TRPM3: variants seen among roughly 807,000 people sequenced by gnomAD.
TRPM3 encodes transient receptor potential cation channel subfamily M member 3.
Under a neutral mutation model 181.2 loss-of-function variants are expected in TRPM3, and 77 were observed. That is an observed-to-expected ratio of 0.42 (90% CI 0.35 to 0.51). The LOEUF (loss-of-function observed/expected upper bound fraction) is 0.51, where lower values mean the gene tolerates loss of function less well. Among genes scored for constraint, TRPM3 ranks in the 20% least tolerant of loss-of-function variants. The pLI is 0.01. For missense variants in TRPM3, 1,759 were observed against 2,196.7 expected, an observed-to-expected ratio of 0.80 and a Z score of 3.98; for synonymous variants, 745 against 796.4, an observed-to-expected ratio of 0.94 and a Z score of 1.09.
At chr9:70,916,860 C>A in intron 1 of TRPM3, 1 of 586,232 alleles carries the variant, frequency 1.7e-6, no homozygotes, top group South Asian at 2.6e-5. Context: ...AACTGGCAAT[C>A]ATAAATCAAA....
chr9:71,216,709 G>A (rs2079888963), intron 1 of TRPM3, among the ~76,000 whole-genome samples: 1 of 152,116 alleles, frequency 6.6e-6, no homozygotes. Flanking sequence ...TTAGAGAAGG[G>A]ATGAACTTCT....
intron 9 of TRPM3, among the ~76,000 whole-genome samples, chr9:70,678,208 C>G (rs1052969988): frequency 1.3e-5 from 2 of 152,166 alleles, no homozygotes; most frequent in Non-Finnish European, 2.9e-5. Context: ...AGGTCATCAG[C>G]TGAAGAAACT....
At chr9:71,371,763 C>T (rs1022613214) in intron 1 of TRPM3, among the ~76,000 whole-genome samples, 10 of 152,158 alleles carry the variant, frequency 6.6e-5, no homozygotes, top group African/African-American at 2.4e-4. Flanking sequence ...TATCTAACAG[C>T]ATCACATGCC....
chr9:70,781,326 TAAAAA>T (rs35173071), intron 7 of TRPM3, among the ~76,000 whole-genome samples: 11 of 106,116 alleles, frequency 1.0e-4, no homozygotes, highest in African/African-American at 2.6e-4. Flanking sequence ...TTCCATTTCA[TAAAAA>T]AAAAAAAAAA....
At chr9:71,338,472 C>T (rs572953871) in intron 1 of TRPM3, among the ~76,000 whole-genome samples, 51 of 152,148 alleles carry the variant, frequency 3.4e-4, no homozygotes, top group Admixed American at 5.9e-4. Context: ...GAAACAGACC[C>T]GGTTCCAAGG....
At chr9:70,760,501 C>T (rs1030721455) in intron 8 of TRPM3, among the ~76,000 whole-genome samples, 1 of 150,316 alleles carries the variant, frequency 6.7e-6, no homozygotes. Context: ...GCCCCACCCG[C>T]TCGCTGGCTT....
chr9:70,872,154 C>G (rs138053566), intron 1 of TRPM3, among the ~76,000 whole-genome samples: 71 of 152,096 alleles, frequency 4.7e-4, no homozygotes, highest in Admixed American at 6.6e-4. Context: ...GAGGGCGATA[C>G]AGTCTCTGCA....
intron 1 of TRPM3, among the ~76,000 whole-genome samples, chr9:71,097,032 C>T (rs968986787): frequency 1.3e-5 from 2 of 152,062 alleles, no homozygotes; most frequent in Non-Finnish European, 2.9e-5. Context: ...CCTATTTGGC[C>T]AGCGCCCAGG....
intron 1 of TRPM3, among the ~76,000 whole-genome samples, chr9:70,994,744 C>G (rs2097526550): frequency 6.6e-6 from 1 of 152,190 alleles, no homozygotes; most frequent in African/African-American, 2.4e-5. Flanking sequence ...TCAAAACCTG[C>G]CATTAAACAC....
At chr9:71,026,646 A>C (rs912688932) in intron 1 of TRPM3, among the ~76,000 whole-genome samples, 1 of 152,002 alleles carries the variant, frequency 6.6e-6, no homozygotes, top group Non-Finnish European at 1.5e-5. Context: ...CCATGGGAGC[A>C]CTGGTGGGCT....
chr9:70,544,274 G>C (rs2044282992), intron 25 of TRPM3, among the ~76,000 whole-genome samples: 1 of 152,058 alleles, frequency 6.6e-6, no homozygotes, highest in Non-Finnish European at 1.5e-5. Flanking sequence ...TTATAAAATG[G>C]CTCAGTAGTA....
In TRPM3 at chr9:70,656,708, A is replaced by G. The variant is rs76071940; in HGVS notation, c.1346-16048T>C. Among the ~76,000 whole-genome samples the G allele has an allele frequency of 4.6e-3, 697 of 152,320 alleles. 4 individuals carry two copies. The highest frequency in any genetic ancestry group is 0.015 in the African/African-American group (639 of 41,578). On this transcript the variant is annotated intron_variant, in intron 9 of 25. Transcript: ENST00000677713. ...GTAGACAAACTCATTGTAATTTAGA[A>G]TCTAAAGTTGTATTAAATTAAATAA...
At chr9:71,076,783 G>C (rs1269150687) in intron 1 of TRPM3, among the ~76,000 whole-genome samples, 1 of 152,146 alleles carries the variant, frequency 6.6e-6, no homozygotes, top group East Asian at 1.9e-4. Context: ...AATGTGAATT[G>C]TATCTGTGGC....
At chr9:71,213,558 CAG>C (rs2079648569) in intron 1 of TRPM3, among the ~76,000 whole-genome samples, 1 of 151,948 alleles carries the variant, frequency 6.6e-6, no homozygotes, top group Non-Finnish European at 1.5e-5. Context: ...AGAGATATGA[CAG>C]AAATGGAAAA....
intron 1 of TRPM3, among the ~76,000 whole-genome samples, chr9:71,248,765 T>C (rs1056425869): frequency 3.3e-5 from 5 of 152,160 alleles, no homozygotes; most frequent in Admixed American, 2.6e-4. Flanking sequence ...TTGTTACACA[T>C]GTACGTAACT....
chr9:71,027,815 T>C (rs970878851), intron 1 of TRPM3, among the ~76,000 whole-genome samples: 2 of 152,158 alleles, frequency 1.3e-5, no homozygotes, highest in African/African-American at 2.4e-5. Context: ...TATGGGATTA[T>C]GTAAAGAGAC....
At chr9:71,147,670 G>C (rs1008895966) in intron 1 of TRPM3, among the ~76,000 whole-genome samples, 1 of 152,214 alleles carries the variant, frequency 6.6e-6, no homozygotes, top group South Asian at 2.1e-4. Flanking sequence ...ATAACATTTT[G>C]GAATTTATCC....
At chr9:71,028,434 T>C (rs1287951501) in intron 1 of TRPM3, among the ~76,000 whole-genome samples, 1 of 152,196 alleles carries the variant, frequency 6.6e-6, no homozygotes, top group Non-Finnish European at 1.5e-5. Context: ...GCTAACAGCA[T>C]GCTGACATTA....
chr9:70,912,124 G>A (rs1564743762), intron 1 of TRPM3, among the ~76,000 whole-genome samples: 1 of 152,158 alleles, frequency 6.6e-6, no homozygotes, highest in Non-Finnish European at 1.5e-5. Context: ...TAGTTTTGAA[G>A]ACAGTTTTGT....
Sources: gnomAD v4.1 joint callset for allele counts (sites outside exome capture counted in the v4.1 genomes callset) on GRCh38, gnomAD v4.1.1 for gene constraint, MANE v1.5 for transcripts, NCBI Gene and HGNC (gene_info 2026-07-23, HGNC 2026-07-21) for gene names.